TTC17: variants seen among roughly 807,000 people sequenced by gnomAD.
TTC17 encodes tetratricopeptide repeat protein 17.
A neutral mutation model predicts 143.8 loss-of-function variants in TTC17; 58 were observed. The ratio of observed to expected loss-of-function variants is 0.40; its 90% CI spans 0.33 to 0.50. TTC17 has a LOEUF of 0.50. Ranked by LOEUF, TTC17 falls within the 20% of genes least tolerant of loss-of-function variation. TTC17 has a pLI of 0.49. For synonymous variants in TTC17, 501 were observed against 497.8 expected (o/e 1.01, Z -0.09); for missense variants, 1,273 against 1,392.5 (o/e 0.91, Z 1.37).
At chr11:43,446,851 G>A (rs1271197847) in intron 18 of TTC17, 1 of 196,844 alleles carries the variant, frequency 5.1e-6, no homozygotes, top group African/African-American at 2.4e-5. Flanking sequence ...TACTTACGAA[G>A]GATATTAATA....
At chr11:43,455,172 G>A (rs542239411) in intron 21 of TTC17, among the ~76,000 whole-genome samples, 109 of 151,598 alleles carry the variant, frequency 7.2e-4, no homozygotes, top group Non-Finnish European at 1.2e-3. Flanking sequence ...GAGTCAAAGA[G>A]AAAATAAGAA....
At chr11:43,422,397 GA>G (rs150837816) in intron 16 of TTC17, among the ~76,000 whole-genome samples, 1 of 152,256 alleles carries the variant, frequency 6.6e-6, no homozygotes, top group East Asian at 1.9e-4. Context: ...TAATGATGGG[GA>G]AGAGACCAGG....
chr11:43,391,250 T>C (rs963980909), intron 3 of TTC17, among the ~76,000 whole-genome samples: 1 of 151,878 alleles, frequency 6.6e-6, no homozygotes, highest in Admixed American at 6.6e-5. Context: ...GTAAAAAAAA[T>C]TAACTGATTG....
intron 16 of TTC17, among the ~76,000 whole-genome samples, chr11:43,439,895 A>G (rs1947377925): frequency 6.6e-6 from 1 of 152,186 alleles, no homozygotes; most frequent in Non-Finnish European, 1.5e-5. Flanking sequence ...AAAGGATGTG[A>G]ACTCATATAA....
chr11:43,408,976 C>G (rs1858275939), intron 15 of TTC17, among the ~76,000 whole-genome samples: 1 of 152,078 alleles, frequency 6.6e-6, no homozygotes, highest in Non-Finnish European at 1.5e-5. Context: ...CACCCGAGCT[C>G]AAGCAATCCT....
At position 43,483,398 on chromosome 11, in the gene TTC17, A is replaced by G. The variant is rs1206950586; in HGVS notation, c.3031-6841A>G. Among the ~76,000 whole-genome samples the G allele has an allele frequency of 1.1e-4, 17 of 152,166 alleles. No individual in the cohort carries two copies. In the East Asian group the frequency reaches 3.3e-3, roughly 29 times the overall value. Reference sequence around the variant, plus strand: ...AAAGAAAAATAATATATATTTATATATGTTGTCATATATAATTTTTAAGTT... The same window carrying G: ...AAAGAAAAATAATATATATTTATATGTGTTGTCATATATAATTTTTAAGTT... On this transcript the variant is annotated intron_variant, in intron 21 of 23. Coordinates refer to ENST00000039989, the MANE Select transcript of TTC17 (RefSeq NM_018259.6).
In TTC17 at chr11:43,451,242, C is replaced by G. The variant is rs748032269; in HGVS notation, c.3007C>G (p.Arg1003Gly). 6.2e-7 allele frequency: 1 copy of G among 1,613,332 alleles called. No individual in the cohort carries two copies. Among genetic ancestry groups the G allele is most frequent in the Non-Finnish European group, 8.5e-7 (1 of 1,179,442 alleles). The change falls in exon 21 of 24, where the codon CGA (arginine) becomes GGA (glycine). Residue 1003 changes from arginine (R) to glycine (G), a missense_variant. Physicochemically the swap from Arg to Gly is moderately radical, Grantham distance 125. Coordinates refer to ENST00000039989, the MANE Select transcript of TTC17 (RefSeq NM_018259.6). ...PQQSLEQIGT[R>G]IAKVLEKNQT... ...ACAGTCGCTTGAACAGATTGGCACC[C>G]GAATTGCCAAAGTTTTGGAAAAGGT...
At chr11:43,362,694 A>G (rs149871441) in intron 1 of TTC17, among the ~76,000 whole-genome samples, 1 of 152,272 alleles carries the variant, frequency 6.6e-6, no homozygotes, top group Non-Finnish European at 1.5e-5. Context: ...TGCAGCCTTA[A>G]TTGATCTTCC....
chr11:43,434,174 CACACACACACACACA>C (rs1947227531), intron 16 of TTC17, among the ~76,000 whole-genome samples: 1 of 1,586 alleles, frequency 6.3e-4, no homozygotes, highest in African/African-American at 1.3e-3. Flanking sequence ...CGGGGACACA[CACACACACACACACA>C]CACACACACA....
chr11:43,390,673 AAAG>A (rs1279723248), intron 3 of TTC17, among the ~76,000 whole-genome samples: 1 of 151,496 alleles, frequency 6.6e-6, no homozygotes, highest in Non-Finnish European at 1.5e-5. Flanking sequence ...GAAAAATAAA[AAAG>A]AGAAAAAAAT....
intron 1 of TTC17, among the ~76,000 whole-genome samples, chr11:43,375,835 C>T (rs1856745707): frequency 1.3e-5 from 2 of 152,276 alleles, no homozygotes; most frequent in South Asian, 2.1e-4. Flanking sequence ...TTAAAATGTT[C>T]ACCCTTAATC....
chr11:43,466,665 C>G lies in TTC17; in HGVS notation c.3030+15400C>G, dbSNP rs572423647. ...GAACTTTATTGTGAAGCATACAGGT[C>G]TTGGCATCTTGTCCATGGCAAATGC... On this transcript the variant is annotated intron_variant, in intron 21 of 23. Transcript: ENST00000039989. 208 of 363,574 alleles carry G rather than the reference C, an allele frequency of 5.7e-4. 2 individuals carry two copies. The highest frequency in any genetic ancestry group is 5.3e-3 in the South Asian group (201 of 37,904). The allele number at this position is 363,574 out of a possible 1,614,324, so 22.5% of individuals were successfully genotyped here. A position where few individuals can be genotyped will look rare whatever the true frequency, so the allele number is the denominator to read the frequency against.
Position 43,396,857 on chromosome 11 carries a change from C to G in TTC17, c.773+39C>G, listed in dbSNP as rs748299874. 8 of 1,313,118 alleles carry G rather than the reference C, an allele frequency of 6.1e-6. 1 individual carries two copies. In the South Asian group the frequency reaches 1.0e-4, roughly 17 times the overall value. The allele number at this position is 1,313,118 out of a possible 1,614,324, so 81.3% of individuals were successfully genotyped here. ...TCTTCTGGACCTGATTTTCCACATT[C>G]CTCAGGACTGTTAAAGAAACAATAC... On this transcript the variant is annotated intron_variant, in intron 6 of 23. Transcript: ENST00000039989.
intron 16 of TTC17, among the ~76,000 whole-genome samples, chr11:43,422,883 G>T (rs1273710091): frequency 2.0e-5 from 3 of 152,182 alleles, no homozygotes; most frequent in Non-Finnish European, 2.9e-5. Context: ...GGCCTGTGGG[G>T]TTGAAGGTAT....
intron 21 of TTC17, among the ~76,000 whole-genome samples, chr11:43,457,976 A>G (rs977412232): frequency 1.3e-5 from 2 of 152,122 alleles, no homozygotes; most frequent in Non-Finnish European, 2.9e-5. Flanking sequence ...CCCAAGCAGA[A>G]TAGGTACAAT....
chr11:43,385,332 AT>A (rs1326577061), intron 2 of TTC17, among the ~76,000 whole-genome samples: 2 of 152,206 alleles, frequency 1.3e-5, no homozygotes, highest in African/African-American at 4.8e-5. Context: ...AAAGGAAATA[AT>A]TTACAAAGTT....
intron 21 of TTC17, among the ~76,000 whole-genome samples, chr11:43,452,686 C>G (rs1264959969): frequency 1.3e-5 from 2 of 152,122 alleles, no homozygotes; most frequent in Non-Finnish European, 2.9e-5. Flanking sequence ...CCTGTAATCC[C>G]AGCACTTTGG....
intron 16 of TTC17, among the ~76,000 whole-genome samples, chr11:43,436,702 G>A (rs890739298): frequency 3.3e-5 from 5 of 152,170 alleles, no homozygotes; most frequent in African/African-American, 1.2e-4. Context: ...TCCATTTTAT[G>A]ACCCACATTT....
At chr11:43,407,086 A>G in intron 13 of TTC17, 52 bp from the exon 14 acceptor site, 1 of 1,314,670 alleles carries the variant, frequency 7.6e-7, no homozygotes, top group Non-Finnish European at 1.1e-6. Flanking sequence ...ATTCTTTTCA[A>G]ATGTCTTCCC....
Sources: gnomAD v4.1 joint callset for allele counts (sites outside exome capture counted in the v4.1 genomes callset) on GRCh38, gnomAD v4.1.1 for gene constraint, MANE v1.5 for transcripts, NCBI Gene and HGNC (gene_info 2026-07-23, HGNC 2026-07-21) for gene names.